EARS2: variants seen among roughly 807,000 people sequenced by gnomAD.
EARS2 encodes the protein glutamyl-tRNA synthetase 2, mitochondrial, also known as nondiscriminating glutamyl-tRNA synthetase EARS2, mitochondrial.
Under a neutral mutation model 54.1 loss-of-function variants are expected in EARS2, and 50 were observed. The observed-to-expected ratio is 0.92, with a 90% CI of 0.74 to 1.17. EARS2 has a LOEUF of 1.17. Among genes scored for constraint, EARS2 ranks in the 50% most tolerant of loss-of-function variants. The pLI, the probability that EARS2 is intolerant of heterozygous loss-of-function variation, is 0.00. For synonymous variants in EARS2, 298 were observed against 281.0 expected (o/e 1.06, Z -0.61); for missense variants, 673 against 675.0 (o/e 1.00, Z 0.03).
intron 4 of EARS2, among the ~76,000 whole-genome samples, 196 bp from the exon 5 acceptor site, chr16:23,532,961 G>A (rs1265747950): frequency 6.6e-6 from 1 of 152,018 alleles, no homozygotes; most frequent in Non-Finnish European, 1.5e-5. Flanking sequence ...TGGGACTACA[G>A]GCACATACTA....
intron 8 of EARS2, among the ~76,000 whole-genome samples, chr16:23,524,859 G>A (rs1965198476): frequency 2.0e-5 from 3 of 152,022 alleles, no homozygotes; most frequent in Admixed American, 1.3e-4. Flanking sequence ...TGCCCAGGCT[G>A]GTCTCAAACT....
At chr16:23,527,202 G>C (rs1464624840) in intron 7 of EARS2, among the ~76,000 whole-genome samples, 1 of 152,106 alleles carries the variant, frequency 6.6e-6, no homozygotes, top group Non-Finnish European at 1.5e-5. Flanking sequence ...CTGGCTTCAA[G>C]TGATCCTCCC....
intron 3 of EARS2, among the ~76,000 whole-genome samples, chr16:23,536,682 C>CCTTTTTTT (rs1567382966): frequency 8.8e-6 from 1 of 113,490 alleles, no homozygotes. Flanking sequence ...CTTTTTTTTT[C>CCTTTTTTT]TTTTTTTTTT....
At chr16:23,548,231 C>CTTAATAAA (rs1411779071) in intron 2 of EARS2, among the ~76,000 whole-genome samples, 4 of 56,326 alleles carry the variant, frequency 7.1e-5, no homozygotes, top group African/African-American at 1.1e-4. Flanking sequence ...GAGACTCCAT[C>CTTAATAAA]TCAATAAATA....
intron 2 of EARS2, among the ~76,000 whole-genome samples, chr16:23,548,010 C>G (rs373991984): frequency 7.2e-5 from 11 of 151,728 alleles, no homozygotes; most frequent in Non-Finnish European, 1.5e-4. Flanking sequence ...GCGGGCAGAT[C>G]ACGAGGTCAG....
At chr16:23,546,274 C>CT in intron 2 of EARS2, 1 of 403,664 alleles carries the variant, frequency 2.5e-6, no homozygotes, top group South Asian at 1.8e-5. Flanking sequence ...GATGGTGTTT[C>CT]TGCCCTCAAA....
chr16:23,533,418 A>G (rs888687950), intron 4 of EARS2, among the ~76,000 whole-genome samples: 4 of 152,188 alleles, frequency 2.6e-5, no homozygotes, highest in Non-Finnish European at 4.4e-5. Context: ...CTGGGATTAC[A>G]GACATGAGCC....
At chr16:23,540,081 G>A (rs1965487961) in intron 3 of EARS2, among the ~76,000 whole-genome samples, 2 of 152,172 alleles carry the variant, frequency 1.3e-5, no homozygotes, top group Non-Finnish European at 2.9e-5. Flanking sequence ...TTGAGCCCAG[G>A]AGGCAGAAGT....
At chr16:23,543,518 A>C (rs115583325) in intron 3 of EARS2, among the ~76,000 whole-genome samples, 252 of 152,112 alleles carry the variant, frequency 1.7e-3, no homozygotes, top group African/African-American at 5.8e-3. Context: ...GAATCTGAGA[A>C]AGGTGGATCA....
intron 2 of EARS2, among the ~76,000 whole-genome samples, chr16:23,548,319 G>GA (rs1965639602): frequency 6.6e-6 from 1 of 151,940 alleles, no homozygotes; most frequent in Non-Finnish European, 1.5e-5. Flanking sequence ...AAAGTAAGGT[G>GA]CTCCAGAAGT....
intron 4 of EARS2, 69 bp downstream of exon 4, chr16:23,534,819 G>T: frequency 1.5e-6 from 2 of 1,376,372 alleles, no homozygotes; most frequent in Non-Finnish European, 2.0e-6. Flanking sequence ...GAGCAGGACT[G>T]TCTGAGCCAA....
At chr16:23,527,509 C>A (rs1272220163) in intron 7 of EARS2, among the ~76,000 whole-genome samples, 1 of 150,886 alleles carries the variant, frequency 6.6e-6, no homozygotes, top group African/African-American at 2.4e-5. Context: ...ACTGTCAGCA[C>A]TGAAGCAGAT....
rs536659649 is a variant in EARS2 at position 23,557,327 on chromosome 16, C to T, written c.17G>A (p.Arg6Lys). 1.2e-5 allele frequency: 18 copies of T among 1,549,136 alleles called. No homozygotes were observed. Among genetic ancestry groups the T allele is most frequent in the Admixed American group, 9.7e-5 (5 of 51,338 alleles). The part of the protein sequence containing the change: MAALL[R>K]RLLQRERPSA... ...AGGCCTCTCGCGCTGCAGCAGTCTCCTCAGGAGCGCCGCCATGTGGGATGG... is the reference window on the plus strand; with the variant it reads ...AGGCCTCTCGCGCTGCAGCAGTCTCTTCAGGAGCGCCGCCATGTGGGATGG... Residue 6 changes from arginine (R) to lysine (K), a missense_variant, in exon 1 of 9, where the codon AGG becomes AAG. Arg to Lys is a conservative substitution (Grantham distance 26). Around this residue, in one of 3 missense-constraint regions of EARS2, gnomAD observed 316 missense variants for 275.2 expected, o/e 1.15. Transcript: ENST00000449606.
chr16:23,529,175 A>C (rs1965279583), intron 7 of EARS2, among the ~76,000 whole-genome samples: 1 of 152,170 alleles, frequency 6.6e-6, no homozygotes, highest in African/African-American at 2.4e-5. Flanking sequence ...TCTCTCTCTC[A>C]CTGAGAAGGA....
intron 4 of EARS2, among the ~76,000 whole-genome samples, chr16:23,533,029 G>A (rs1965352964): frequency 6.6e-6 from 1 of 152,160 alleles, no homozygotes; most frequent in East Asian, 1.9e-4. Context: ...GCTTACACCT[G>A]TAATACCAGC....
chr16:23,534,242 A>T (rs780050021), intron 4 of EARS2, among the ~76,000 whole-genome samples: 17 of 152,142 alleles, frequency 1.1e-4, no homozygotes, highest in Admixed American at 2.0e-4. Flanking sequence ...CAAACAGTGG[A>T]GATATGTATC....
At position 23,523,337 on chromosome 16, in the gene EARS2, G is replaced by T. The variant is rs1965171142; in HGVS notation, c.*1034C>A. 1 of 152,230 alleles carries T rather than the reference G, an allele frequency of 6.6e-6. No individual in the cohort carries two copies. The highest frequency in any genetic ancestry group is 6.5e-5 in the Admixed American group (1 of 15,268). 9.4% of individuals were successfully genotyped at this position (152,230 alleles called of 1,614,324 possible). ...GAGATGATGACTTATAAGTCATGGA[G>T]GAAGGACGAGGTGGATTTGAAGAGA... On this transcript the variant is annotated 3_prime_UTR_variant, in exon 9 of 9. Transcript: ENST00000449606.
intron 2 of EARS2, among the ~76,000 whole-genome samples, chr16:23,550,102 G>A (rs13332179): frequency 0.082 from 12,477 of 152,166 alleles, 904 homozygotes; most frequent in African/African-American, 0.19. Flanking sequence ...GTTCATGACC[G>A]TGATGCCAGC....
At chr16:23,546,469 T>A (rs4968019) in intron 2 of EARS2, 26 of 455,810 alleles carry the variant, frequency 5.7e-5, no homozygotes, top group African/African-American at 5.2e-4. Flanking sequence ...AACTTTCTCA[T>A]GAGGATCATC....
Sources: gnomAD v4.1 joint callset for allele counts (sites outside exome capture counted in the v4.1 genomes callset) on GRCh38, gnomAD v4.1.1 for gene constraint, gnomAD v4.1.1 regional missense constraint, MANE v1.5 for transcripts, NCBI Gene and HGNC (gene_info 2026-07-23, HGNC 2026-07-21) for gene names.